The following CIITA variants were observed in gnomAD, a reference collection of about 807,000 sequenced individuals.
The protein encoded by CIITA is MHC class II transactivator.
Under a neutral mutation model 115.1 loss-of-function variants are expected in CIITA, and 72 were observed. That is an observed-to-expected ratio of 0.63 (90% CI 0.52 to 0.76). The LOEUF is 0.76. CIITA is among the 30% of genes least tolerant of loss of function. The pLI is 0.00. For synonymous variants in CIITA, 763 were observed against 635.6 expected (o/e 1.20, Z -3.02); for missense variants, 1,617 against 1,463.8 (o/e 1.10, Z -1.71).
At chr16:10,883,921 C>G (rs1330108492) in intron 1 of CIITA, among the ~76,000 whole-genome samples, 1 of 152,216 alleles carries the variant, frequency 6.6e-6, no homozygotes, top group African/African-American at 2.4e-5. Flanking sequence ...TCCTCCCATA[C>G]AGGCATAGCC....
At position 10,879,103 on chromosome 16, in the gene CIITA, A is replaced by G. The variant is rs558164742; in HGVS notation, c.52+1721A>G. Reference sequence around the variant, plus strand: ...TCGGGCTGAGAATCGAGGCTCCGAGACTGTCAGCTACTTGCTCAAGGTCAC... The same window carrying G: ...TCGGGCTGAGAATCGAGGCTCCGAGGCTGTCAGCTACTTGCTCAAGGTCAC... On this transcript the variant is annotated intron_variant, in intron 1 of 19. Transcript: ENST00000324288. The surrounding 1 kb of genome is among the most constrained non-coding windows in gnomAD (Gnocchi z 4.3). 4.2e-5 allele frequency: 8 copies of G among 189,738 alleles called. No homozygotes were observed. The highest frequency in any genetic ancestry group is 3.3e-4 in the East Asian group (4 of 11,942). The allele number at this position is 189,738 out of a possible 1,614,324, so 11.8% of individuals were successfully genotyped here. A position where few individuals can be genotyped will look rare whatever the true frequency, so the allele number is the denominator to read the frequency against.
intron 1 of CIITA, among the ~76,000 whole-genome samples, chr16:10,878,409 C>A (rs1180379818): frequency 1.3e-5 from 2 of 152,114 alleles, no homozygotes; most frequent in Non-Finnish European, 2.9e-5. Context: ...CTTGGAGGAC[C>A]CAGCAGGAAT....
Position 10,920,640 on chromosome 16 carries a change from C to T in CIITA, c.3150-1527C>T, listed in dbSNP as rs982226634. 2.0e-5 allele frequency among the ~76,000 whole-genome samples: 3 copies of T among 152,178 alleles called. No homozygotes were observed. Among genetic ancestry groups the T allele is most frequent in the South Asian group, 4.1e-4 (2 of 4,824 alleles). ...TGAGGCCAAAATGCAAACTGTGACA[C>T]GCTATTGGTTATAAGACACATCCTG... On this transcript the variant is annotated intron_variant, in intron 16 of 19. Transcript: ENST00000324288. The surrounding 1 kb of genome is among the most constrained non-coding windows in gnomAD (Gnocchi z 4.5).
intron 1 of CIITA, among the ~76,000 whole-genome samples, chr16:10,886,108 T>C (rs1186346262): frequency 6.6e-6 from 1 of 151,806 alleles, no homozygotes; most frequent in Non-Finnish European, 1.5e-5. Context: ...AGGCTGAGTT[T>C]TCTATTTTTA....
At chr16:10,912,238 C>T (rs756312152) in intron 13 of CIITA, among the ~76,000 whole-genome samples, 4 of 152,018 alleles carry the variant, frequency 2.6e-5, no homozygotes, top group Admixed American at 1.3e-4. Context: ...CTCAGCCTCC[C>T]GAGTAGCTGG....
chr16:10,930,096 C>G lies in CIITA; in HGVS notation c.*6241C>G, dbSNP rs992026120. On this transcript the variant is annotated 3_prime_UTR_variant, in exon 20 of 20. Coordinates refer to ENST00000324288, the MANE Select transcript of CIITA (RefSeq NM_000246.4). ...ATCTCCATGGCCTGGCCCCCTGGCA[C>G]GTCCCCGTTTCCCACTGCCTTCTCT... 6.6e-6 allele frequency: 1 copy of G among 152,412 alleles called. No homozygotes were observed. The highest frequency in any genetic ancestry group is 2.4e-5 in the African/African-American group (1 of 41,466). The allele number at this position is 152,412 out of a possible 1,614,324, so 9.4% of individuals were successfully genotyped here.
rs1273596448 is a variant in CIITA, at chr16:10,933,520, C to T, written c.*9665C>T. 6.6e-6 allele frequency: 1 copy of T among 152,326 alleles called. No individual in the cohort carries two copies. Among genetic ancestry groups the T allele is most frequent in the Non-Finnish European group, 1.5e-5 (1 of 68,118 alleles). 9.4% of individuals were successfully genotyped at this position (152,326 alleles called of 1,614,324 possible). A position where few individuals can be genotyped will look rare whatever the true frequency, so the allele number is the denominator to read the frequency against. Reference sequence around the variant, plus strand: ...TGTGTGACCTCAGACAAGTCACCCACCCTCTCTGGGCCAGTTTCCTCATCT... The same window carrying T: ...TGTGTGACCTCAGACAAGTCACCCATCCTCTCTGGGCCAGTTTCCTCATCT... On this transcript the variant is annotated 3_prime_UTR_variant, in exon 20 of 20. Transcript: ENST00000324288.
intron 1 of CIITA, among the ~76,000 whole-genome samples, chr16:10,871,448 T>C (rs2035477436): frequency 6.6e-6 from 1 of 152,248 alleles, no homozygotes; most frequent in African/African-American, 2.4e-5. Context: ...TTCCTCTGAC[T>C]CTACTTTGTT....
chr16:10,867,662 T>G (rs62028061), intron 1 of CIITA, among the ~76,000 whole-genome samples: 1 of 152,030 alleles, frequency 6.6e-6, no homozygotes, highest in Non-Finnish European at 1.5e-5. Context: ...AAGACAAGCC[T>G]GCACTGTCCT....
intron 1 of CIITA, among the ~76,000 whole-genome samples, chr16:10,882,978 C>T (rs954010980): frequency 6.6e-5 from 10 of 152,198 alleles, no homozygotes; most frequent in South Asian, 2.1e-4. Flanking sequence ...AGGCCCAGGA[C>T]GCTGTGTTTT....
chr16:10,926,469 G>A lies in CIITA; in HGVS notation c.*2614G>A, dbSNP rs917794315. ...CTGACCCACTGCTTTTGGTCTGTGT[G>A]ATGATGAAATGAGGTCAGAGCCTGC... is the stretch of plus-strand genomic sequence containing the variant. On this transcript the variant is annotated 3_prime_UTR_variant, in exon 20 of 20. Coordinates refer to ENST00000324288, the MANE Select transcript of CIITA (RefSeq NM_000246.4). 5 of 152,266 alleles carry A rather than the reference G, an allele frequency of 3.3e-5. No individual in the cohort carries two copies. Among genetic ancestry groups the A allele is most frequent in the African/African-American group, 1.2e-4 (5 of 41,464 alleles). 9.4% of individuals were successfully genotyped at this position (152,266 alleles called of 1,614,324 possible).
intron 3 of CIITA, among the ~76,000 whole-genome samples, chr16:10,898,351 G>T (rs2038350572): frequency 6.6e-6 from 1 of 151,966 alleles, no homozygotes; most frequent in South Asian, 2.1e-4. Flanking sequence ...AGTAGCCCAA[G>T]ATTGCACAGC....
chr16:10,908,794 T>C, intron 11 of CIITA: 2 of 626,994 alleles, frequency 3.2e-6, no homozygotes, highest in Non-Finnish European at 5.7e-6. Flanking sequence ...GCCAATAATT[T>C]AGCAGTGAGC....
intron 1 of CIITA, among the ~76,000 whole-genome samples, chr16:10,878,650 A>C (rs544652012): frequency 3.9e-5 from 6 of 152,206 alleles, no homozygotes; most frequent in Non-Finnish European, 8.8e-5. Flanking sequence ...AGACCCACCC[A>C]GGGGTGGGGA....
chr16:10,889,237 A>G (rs565223489), intron 1 of CIITA, among the ~76,000 whole-genome samples: 1 of 152,264 alleles, frequency 6.6e-6, no homozygotes, highest in East Asian at 1.9e-4. Flanking sequence ...GAAACAGTCC[A>G]ATGAAGGGGC....
chr16:10,889,928 C>T (rs1349489909), intron 1 of CIITA, among the ~76,000 whole-genome samples: 1 of 152,222 alleles, frequency 6.6e-6, no homozygotes, highest in Non-Finnish European at 1.5e-5. Flanking sequence ...AGCCATTTCA[C>T]TGAGGCGTGT....
intron 5 of CIITA, 39 bp downstream of exon 5, chr16:10,899,041 G>A: frequency 6.2e-7 from 1 of 1,600,084 alleles, no homozygotes; most frequent in Non-Finnish European, 8.6e-7. Context: ...AGCCTTGCTT[G>A]AGACCTGGCC....
intron 13 of CIITA, among the ~76,000 whole-genome samples, chr16:10,912,025 CCA>C (rs2039618052): frequency 6.6e-6 from 1 of 152,230 alleles, no homozygotes; most frequent in African/African-American, 2.4e-5. Flanking sequence ...TAAGCTCCTT[CCA>C]CAGAAAAAGC....
chr16:10,893,086 A>G (rs1401894581), intron 1 of CIITA, among the ~76,000 whole-genome samples: 1 of 152,166 alleles, frequency 6.6e-6, no homozygotes, highest in Non-Finnish European at 1.5e-5. Flanking sequence ...GTTTAGAGTG[A>G]TGCAGCCACA....
Sources: allele counts gnomAD v4.1 joint callset (sites outside exome capture counted in the v4.1 genomes callset), GRCh38; gene constraint gnomAD v4.1.1; non-coding constraint Gnocchi (gnomAD v3.1); transcripts MANE v1.5; gene names NCBI Gene and HGNC (gene_info 2026-07-23, HGNC 2026-07-21).